The following SLC35E1 variants were observed in gnomAD, a reference collection of about 807,000 sequenced individuals.
SLC35E1 encodes the protein solute carrier family 35, member E1.
A neutral mutation model predicts 31.0 loss-of-function variants in SLC35E1; 12 were observed. The observed-to-expected ratio is 0.39, with a 90% CI of 0.25 to 0.63. SLC35E1 has a LOEUF of 0.63. Among genes scored for constraint, SLC35E1 ranks in the 20% least tolerant of loss-of-function variants. SLC35E1 has a pLI of 0.52. For synonymous variants in SLC35E1, 257 were observed against 264.1 expected (o/e 0.97, Z 0.26); for missense variants, 429 against 572.2 (o/e 0.75, Z 2.55).
At position 16,552,675 on chromosome 19, in the gene SLC35E1, G is replaced by T. The variant is rs914889329; in HGVS notation, c.*1004C>A. ...AACGTTTACAAACAAAAAGATTTTC[G>T]ATGCATAGGCCAGTCCTAATGCATC... On this transcript the variant is annotated 3_prime_UTR_variant, in exon 6 of 6. Coordinates refer to ENST00000595753, the MANE Select transcript of SLC35E1 (RefSeq NM_024881.5). 1 of 152,040 alleles carries T rather than the reference G, an allele frequency of 6.6e-6. No homozygotes were observed. The highest frequency in any genetic ancestry group is 6.6e-5 in the Admixed American group (1 of 15,252). The allele number at this position is 152,040 out of a possible 1,614,324, so 9.4% of individuals were successfully genotyped here.
intron 4 of SLC35E1, chr19:16,564,357 G>C (rs1382845331): frequency 6.6e-6 from 1 of 152,286 alleles, no homozygotes; most frequent in Non-Finnish European, 1.5e-5. Flanking sequence ...CCAGGCTGGA[G>C]TGCAGTGGTA....
rs138285196 is a variant in SLC35E1, at chr19:16,568,088, C to T, written c.574G>A (p.Val192Ile). 1.4e-5 allele frequency: 23 copies of T among 1,613,734 alleles called. No individual in the cohort carries two copies. Among genetic ancestry groups the T allele is most frequent in the Middle Eastern group, 1.7e-4 (1 of 6,058 alleles). The change falls in exon 3 of 6, where the codon GTC (valine) becomes ATC (isoleucine). Residue 192 changes from valine to isoleucine, a missense_variant. Physicochemically the swap from Val to Ile is conservative, Grantham distance 29. Coordinates refer to ENST00000595753, the MANE Select transcript of SLC35E1 (RefSeq NM_024881.5). ...TELSFDMWGL[V>I]SALAATLCFS... ...CACAGCGTGGCGGCGAGGGCGCTGA[C>T]GAGTCCCCACATGTCAAAAGACAAC...
At chr19:16,556,737 C>T (rs1410875297) in intron 4 of SLC35E1, among the ~76,000 whole-genome samples, 1 of 152,220 alleles carries the variant, frequency 6.6e-6, no homozygotes, top group Admixed American at 6.5e-5. Context: ...ACAGAGCTGG[C>T]TCAGCCCAGG....
intron 4 of SLC35E1, among the ~76,000 whole-genome samples, chr19:16,561,748 C>T (rs1164798289): frequency 2.0e-5 from 3 of 152,244 alleles, no homozygotes; most frequent in Non-Finnish European, 2.9e-5. Flanking sequence ...TGCTAACTAA[C>T]CTGCTGTCTG....
chr19:16,568,730 G>A lies in SLC35E1; in HGVS notation c.493-561C>T, dbSNP rs184546422. ...GTACTTTTAGTAGAGACAGGATTTC[G>A]CCATGTTAGCCAGGCTAGTCTTGAA... On this transcript the variant is annotated intron_variant, in intron 2 of 5. Transcript: ENST00000595753. 1.6e-4 allele frequency among the ~76,000 whole-genome samples: 24 copies of A among 152,180 alleles called. No individual in the cohort carries two copies. The East Asian group carries it at 3.3e-3, about 21-fold the overall frequency.
chr19:16,558,272 G>A (rs1379828853), intron 4 of SLC35E1, among the ~76,000 whole-genome samples: 1 of 152,104 alleles, frequency 6.6e-6, no homozygotes, highest in Non-Finnish European at 1.5e-5. Flanking sequence ...TCGAACTCCT[G>A]ACCTCAGGTG....
At chr19:16,568,207 G>C in intron 2 of SLC35E1, 38 bp from the exon 3 acceptor site, 1 of 1,565,600 alleles carries the variant, frequency 6.4e-7, no homozygotes, top group Non-Finnish European at 8.6e-7. Context: ...TCACAGGCCA[G>C]ACTAGAGCTG....
chr19:16,570,321 G>A (rs994506770), intron 2 of SLC35E1, among the ~76,000 whole-genome samples: 5 of 152,192 alleles, frequency 3.3e-5, no homozygotes, highest in African/African-American at 9.7e-5. Context: ...CACAGGTCTT[G>A]CTGAGACAAA....
intron 4 of SLC35E1, among the ~76,000 whole-genome samples, chr19:16,562,478 G>T (rs1334946225): frequency 2.6e-5 from 4 of 152,148 alleles, no homozygotes; most frequent in Admixed American, 6.6e-5. Flanking sequence ...TTATAAAATG[G>T]TTTAGTATTT....
intron 4 of SLC35E1, among the ~76,000 whole-genome samples, chr19:16,561,226 A>G (rs1475959764): frequency 7.0e-6 from 1 of 142,412 alleles, no homozygotes; most frequent in Non-Finnish European, 1.5e-5. Flanking sequence ...AAAAAAAAAA[A>G]AAAAAAAAAA....
chr19:16,566,103 G>C (rs2085931149), intron 4 of SLC35E1: 1 of 154,270 alleles, frequency 6.5e-6, no homozygotes, highest in South Asian at 1.9e-4. Context: ...CCCGGATTGA[G>C]GTCAAGGCTG....
At chr19:16,556,897 G>C in intron 4 of SLC35E1, 1 of 471,548 alleles carries the variant, frequency 2.1e-6, no homozygotes. Context: ...CTCAAGACTG[G>C]AACTCCCAAA....
Position 16,559,623 on chromosome 19 carries a change from A to G in SLC35E1, c.757-4226T>C, listed in dbSNP as rs146370066. ...AGCTGTGATTGTACCACTGCACTCC[A>G]GCCTGAGCACAGAATGAGACCCTCT... On this transcript the variant is annotated intron_variant, in intron 4 of 5. Transcript: ENST00000595753. 2.5e-3 allele frequency among the ~76,000 whole-genome samples: 381 copies of G among 152,314 alleles called. 1 individual carries two copies. Among genetic ancestry groups the G allele is most frequent in the Middle Eastern group, 0.014 (4 of 294 alleles).
At chr19:16,569,319 A>C (rs2085946567) in intron 2 of SLC35E1, among the ~76,000 whole-genome samples, 1 of 152,130 alleles carries the variant, frequency 6.6e-6, no homozygotes, top group Non-Finnish European at 1.5e-5. Context: ...CACCGTGCCC[A>C]GCCTCTCCAC....
Position 16,555,310 on chromosome 19 carries a change from T to C in SLC35E1, c.844A>G (p.Ile282Val). 3 of 1,614,126 alleles carry C rather than the reference T, an allele frequency of 1.9e-6. No individual in the cohort carries two copies. The highest frequency in any genetic ancestry group is 2.5e-6 in the Non-Finnish European group (3 of 1,180,008). The change falls in exon 5 of 6, where the codon ATC becomes GTC. Residue 282 changes from isoleucine to valine, a missense_variant. Ile to Val is a conservative substitution (Grantham distance 29, BLOSUM62 3). Coordinates refer to ENST00000595753, the MANE Select transcript of SLC35E1 (RefSeq NM_024881.5). This position sits in a 1 kb window ranked among gnomAD's most constrained non-coding sequence, Gnocchi z 4.1. The stretch of plus-strand genomic sequence containing the variant: ...CTCAGGGGGCTAACGAGGTTGAGGA[T>C]GCTGAAGGCGATAACATTCTGGGCA... ...NFAQNVIAFS[I>V]LNLVSPLSYS... is the part of the protein sequence containing the mutation.
chr19:16,572,396 C>A lies in SLC35E1; in HGVS notation c.-32G>T. ...CGAGCGGCCGCCCCTTCCAGCCCGT[C>A]CGACGGCCCGACGCCGGGCGGGGGC... is the stretch of plus-strand genomic sequence containing the variant. On this transcript the variant is annotated 5_prime_UTR_variant, in exon 1 of 6. Transcript: ENST00000595753. The surrounding 1 kb of genome is among the most constrained non-coding windows in gnomAD (Gnocchi z 4.1). 1.0e-6 allele frequency: 1 copy of A among 989,856 alleles called. No homozygotes were observed. The highest frequency in any genetic ancestry group is 4.5e-5 in the South Asian group (1 of 22,012). The allele number at this position is 989,856 out of a possible 1,614,324, so 61.3% of individuals were successfully genotyped here. A position where few individuals can be genotyped will look rare whatever the true frequency, so the allele number is the denominator to read the frequency against.
rs2085839141 is a variant in SLC35E1, at chr19:16,550,387, G to A, written c.*3292C>T. 1 of 152,520 alleles carries A rather than the reference G, an allele frequency of 6.6e-6. No individual in the cohort carries two copies. Among genetic ancestry groups the A allele is most frequent in the Admixed American group, 6.5e-5 (1 of 15,268 alleles). The allele number at this position is 152,520 out of a possible 1,614,324, so 9.4% of individuals were successfully genotyped here. A position where few individuals can be genotyped will look rare whatever the true frequency, so the allele number is the denominator to read the frequency against. On this transcript the variant is annotated 3_prime_UTR_variant, in exon 6 of 6. Coordinates refer to ENST00000595753, the MANE Select transcript of SLC35E1 (RefSeq NM_024881.5). ...CTGCAGATGAAAGCGTGGGAGTGGA[G>A]CATGTGGGGCGGGCACTGTCCGGCT... is the stretch of plus-strand genomic sequence containing the variant.
intron 2 of SLC35E1, among the ~76,000 whole-genome samples, chr19:16,570,604 C>A (rs1305549412): frequency 6.6e-6 from 1 of 152,198 alleles, no homozygotes. Context: ...GCATCTTGAA[C>A]AGAATTTGGA....
At chr19:16,554,796 G>C (rs1399244917) in intron 5 of SLC35E1, among the ~76,000 whole-genome samples, 2 of 149,232 alleles carry the variant, frequency 1.3e-5, no homozygotes, top group Admixed American at 6.7e-5. Flanking sequence ...ATCCAGCCTG[G>C]GTGACAGAGC....
Sources: gnomAD v4.1 joint callset for allele counts (sites outside exome capture counted in the v4.1 genomes callset) on GRCh38, gnomAD v4.1.1 for gene constraint, Gnocchi (gnomAD v3.1) non-coding constraint, MANE v1.5 for transcripts, NCBI Gene and HGNC (gene_info 2026-07-23, HGNC 2026-07-21) for gene names.